Variants in DPF2 observed in about 807,000 individuals in gnomAD.
DPF2 encodes the protein double PHD fingers 2, also known as zinc finger protein ubi-d4.
In DPF2, 10 loss-of-function variants were observed where a neutral mutation model predicts 59.6. The ratio of observed to expected loss-of-function variants is 0.17; its 90% CI spans 0.10 to 0.28. DPF2 has a LOEUF of 0.28. Among genes scored for constraint, DPF2 ranks in the 10% least tolerant of loss-of-function variants. DPF2 has a pLI of 1.00. For missense variants in DPF2, 315 were observed against 509.4 expected (o/e 0.62, Z 3.67); for synonymous variants, 189 against 190.6 (o/e 0.99, Z 0.07).
At chr11:65,338,382 G>A (rs1368535070) in intron 1 of DPF2, among the ~76,000 whole-genome samples, 2 of 152,166 alleles carry the variant, frequency 1.3e-5, no homozygotes, top group Admixed American at 1.3e-4. Flanking sequence ...GCTCACAAGA[G>A]CCCTGACAGA....
In DPF2 at chr11:65,345,882, T is replaced by C. The variant is rs201776355; in HGVS notation, c.776-48T>C. On this transcript the variant is annotated intron_variant, in intron 7 of 10. Transcript: ENST00000528416. ...AACCACTCCTTGCATGGGTGTTGAG[T>C]GGCTCAGGGACCCCCATGGGTGTCA... is the stretch of plus-strand genomic sequence containing the variant. 3.5e-5 allele frequency: 57 copies of C among 1,613,216 alleles called. No homozygotes were observed. In the Admixed American group the frequency reaches 4.2e-4, roughly 12 times the overall value.
intron 4 of DPF2, chr11:65,341,797 A>G: frequency 2.2e-6 from 1 of 446,452 alleles, no homozygotes; most frequent in Non-Finnish European, 3.9e-6. Flanking sequence ...TATTATACAC[A>G]TATATAATTT....
rs2137695514 is a variant in DPF2 at position 65,342,259 on chromosome 11, A to G, written c.465+697A>G. On this transcript the variant is annotated intron_variant, in intron 4 of 10. Coordinates refer to ENST00000528416, the MANE Select transcript of DPF2 (RefSeq NM_006268.5). ...CTTCAAAAACTTTTCAGTCTAGGCA[A>G]CATAGCAGGACCTTGTCTCTACTAA... 1.3e-5 allele frequency among the ~76,000 whole-genome samples: 2 copies of G among 152,312 alleles called. 1 individual carries two copies. The highest frequency in any genetic ancestry group is 4.1e-4 in the South Asian group (2 of 4,828).
intron 1 of DPF2, among the ~76,000 whole-genome samples, chr11:65,337,887 C>T (rs1235259689): frequency 6.6e-6 from 1 of 152,060 alleles, no homozygotes; most frequent in Non-Finnish European, 1.5e-5. Flanking sequence ...TCACCGCAAC[C>T]TCCGCCTCCC....
At chr11:65,336,035 A>G (rs1237413109) in intron 1 of DPF2, among the ~76,000 whole-genome samples, 1 of 150,092 alleles carries the variant, frequency 6.7e-6, no homozygotes, top group Non-Finnish European at 1.5e-5. Context: ...GCTGGTCTTG[A>G]ACTCCTGACC....
At chr11:65,350,506 C>T (rs866876006) in intron 10 of DPF2, among the ~76,000 whole-genome samples, 1 of 150,884 alleles carries the variant, frequency 6.6e-6, no homozygotes, top group South Asian at 2.1e-4. Flanking sequence ...ACCTCAGCCT[C>T]CTGAGTACCT....
At chr11:65,348,612 A>G (rs1783474) in intron 9 of DPF2, 3,264 of 49,830 alleles carry the variant, frequency 0.066, 125 homozygotes, top group African/African-American at 0.18. Context: ...GGCTTTAGGG[A>G]AAAAAAAAAA....
At chr11:65,341,354 C>G in intron 3 of DPF2, 45 bp from the exon 4 acceptor site, 1 of 1,611,418 alleles carries the variant, frequency 6.2e-7, no homozygotes. Context: ...GAGCAGTCTG[C>G]TTTCAGCCCT....
At chr11:65,341,776 C>A in intron 4 of DPF2, 2 of 576,120 alleles carry the variant, frequency 3.5e-6, no homozygotes, top group South Asian at 2.7e-5. Context: ...ACTTTTATCA[C>A]AGAAGGTTAT....
In DPF2 at chr11:65,340,866, G is replaced by C. The variant is rs140311199; in HGVS notation, c.194-100G>C. 11 of 1,230,772 alleles carry C rather than the reference G, an allele frequency of 8.9e-6. No homozygotes were observed. In the African/African-American group the frequency reaches 1.7e-4, roughly 19 times the overall value. The allele number at this position is 1,230,772 out of a possible 1,614,324, so 76.2% of individuals were successfully genotyped here. ...CCCTCACTGTCAGAATTTCTCCCTTGCTCTAGAACTCAAAGGGGGGCCTAC... is the reference window on the plus strand; with the variant it reads ...CCCTCACTGTCAGAATTTCTCCCTTCCTCTAGAACTCAAAGGGGGGCCTAC... On this transcript the variant is annotated intron_variant, in intron 2 of 10. Coordinates refer to ENST00000528416, the MANE Select transcript of DPF2 (RefSeq NM_006268.5).
chr11:65,339,855 T>A (rs1854310805), intron 1 of DPF2, among the ~76,000 whole-genome samples: 1 of 152,248 alleles, frequency 6.6e-6, no homozygotes. Context: ...AAGTAGAATT[T>A]CATTGTATGG....
Position 65,344,498 on chromosome 11 carries a change from T to C in DPF2, c.637+429T>C. On this transcript the variant is annotated intron_variant, in intron 6 of 10. Transcript: ENST00000528416. ...ATCGCCGCTGGGGTTTCTCTCTCGT[T>C]TGCTCTGCTTTCCTGCTGCTGCTGC... The C allele has an allele frequency of 1.8e-5, 25 of 1,415,606 alleles. No homozygotes were observed. The South Asian group carries it at 3.0e-4, about 17-fold the overall frequency. 87.7% of individuals were successfully genotyped at this position (1,415,606 alleles called of 1,614,324 possible).
At chr11:65,338,484 T>A (rs551232572) in intron 1 of DPF2, among the ~76,000 whole-genome samples, 13 of 152,362 alleles carry the variant, frequency 8.5e-5, no homozygotes, top group Non-Finnish European at 1.8e-4. Flanking sequence ...TCCATTTGAC[T>A]TCCAGTGTCC....
chr11:65,346,193 C>G, intron 8 of DPF2, 54 bp from the exon 9 acceptor site: 1 of 1,602,692 alleles, frequency 6.2e-7, no homozygotes, highest in Middle Eastern at 1.8e-4. Context: ...GCAGGAGCTC[C>G]TCTCTTCCCC....
chr11:65,347,485 C>T (rs546164302), intron 9 of DPF2: 1 of 152,016 alleles, frequency 6.6e-6, no homozygotes, highest in East Asian at 1.9e-4. Flanking sequence ...AGATGCACAC[C>T]ACCATGTCTG....
At chr11:65,344,238 G>A in intron 6 of DPF2, 169 bp downstream of exon 6, 3 of 686,188 alleles carry the variant, frequency 4.4e-6, no homozygotes, top group Non-Finnish European at 7.5e-6. Context: ...CTGGGTCCCT[G>A]CTATATGACG....
chr11:65,344,677 C>T (rs1854476775), intron 6 of DPF2: 2 of 1,503,686 alleles, frequency 1.3e-6, no homozygotes, highest in Admixed American at 4.0e-5. Context: ...TCCCTCTTCC[C>T]TTGTTCCTCC....
At position 65,345,814 on chromosome 11, in the gene DPF2, G is replaced by A; in HGVS notation, c.775+11G>A. The A allele has an allele frequency of 1.2e-6, 2 of 1,613,970 alleles. No individual in the cohort carries two copies. Among genetic ancestry groups the A allele is most frequent in the Non-Finnish European group, 1.7e-6 (2 of 1,179,990 alleles). ...CTGAGGAGCAGAAATGTAAGCTGAG[G>A]TGTCAGAAGTGGTGGGCAAGCAGAA... On this transcript the variant is annotated intron_variant, in intron 7 of 10. Coordinates refer to ENST00000528416, the MANE Select transcript of DPF2 (RefSeq NM_006268.5).
intron 6 of DPF2, 51 bp from the exon 7 acceptor site, chr11:65,345,615 A>T: frequency 6.2e-7 from 1 of 1,607,628 alleles, no homozygotes; most frequent in Non-Finnish European, 8.5e-7. Context: ...GGATGGGGAC[A>T]TGGCACTCTT....
Sources: allele counts gnomAD v4.1 joint callset (sites outside exome capture counted in the v4.1 genomes callset), GRCh38; gene constraint gnomAD v4.1.1; transcripts MANE v1.5; gene names NCBI Gene and HGNC (gene_info 2026-07-23, HGNC 2026-07-21).